The following TMEM126A variants were observed in gnomAD, a reference collection of about 807,000 sequenced individuals.
TMEM126A encodes the protein optic atrophy 7.
A neutral mutation model predicts 18.3 loss-of-function variants in TMEM126A; 10 were observed. That is an observed-to-expected ratio of 0.55 (90% confidence interval 0.34 to 0.93). The LOEUF is 0.93. Ranked by LOEUF, TMEM126A falls within the 40% of genes least tolerant of loss-of-function variation. TMEM126A has a pLI of 0.02. For missense variants in TMEM126A, 246 were observed against 230.2 expected (o/e 1.07, Z -0.44); for synonymous variants, 68 against 78.1 (o/e 0.87, Z 0.68).
In TMEM126A at chr11:85,650,266, A is replaced by G. The variant is rs1278880542; in HGVS notation, c.11A>G (p.His4Arg). The change falls in exon 2 of 5, where the codon CAT (histidine) becomes CGT (arginine). Residue 4 changes from histidine (H) to arginine (R), a missense_variant. By Grantham distance (29) the His-to-Arg change is conservative (BLOSUM62 0). Coordinates refer to ENST00000304511, the MANE Select transcript of TMEM126A (RefSeq NM_032273.4). ...TTTTTAAGGCTCAAAATGGAAAATC[A>G]TAAATCCAATAATAAGGAAAACATA... MEN[H>R]KSNNKENITI... is the part of the protein sequence containing the mutation. The G allele has an allele frequency of 6.3e-7, 1 of 1,592,494 alleles. No homozygotes were observed. The highest frequency in any genetic ancestry group is 8.6e-7 in the Non-Finnish European group (1 of 1,163,778).
chr11:85,648,537 G>A (rs910514111), intron 1 of TMEM126A, among the ~76,000 whole-genome samples: 2 of 152,124 alleles, frequency 1.3e-5, no homozygotes, highest in African/African-American at 2.4e-5. Flanking sequence ...TGCCCACAGG[G>A]GCTGCCCAGT....
rs576848384 is a variant in TMEM126A, at chr11:85,654,049, T to A, written c.87-14T>A. ...ATAATGCCAAAGAAAAGTTCTTTCT[T>A]CTCACCCTTTCAGGAATCTACTTGA... On this transcript the variant is annotated splice_polypyrimidine_tract_variant and intron_variant, in intron 2 of 4. Transcript: ENST00000304511. 9.9e-6 allele frequency: 16 copies of A among 1,614,020 alleles called. No homozygotes were observed. Among genetic ancestry groups the A allele is most frequent in the Admixed American group, 1.7e-5 (1 of 59,994 alleles).
At chr11:85,655,091 A>T (rs1390696472) in intron 3 of TMEM126A, among the ~76,000 whole-genome samples, 1 of 152,190 alleles carries the variant, frequency 6.6e-6, no homozygotes, top group Non-Finnish European at 1.5e-5. Flanking sequence ...ATCATAAAAA[A>T]AACTTTTGAT....
In TMEM126A at chr11:85,655,659, C is replaced by G; in HGVS notation, c.346C>G (p.Leu116Val). The change falls in exon 4 of 5, where the codon CTA (leucine) becomes GTA (valine). Residue 116 changes from leucine to valine, a missense_variant. Coordinates refer to ENST00000304511, the MANE Select transcript of TMEM126A (RefSeq NM_032273.4). ...ACTGACTGGTCTTGTTATTGGTGGT[C>G]TATACCCTGTTTTCTTGGCTATACC... ...SGLTGLVIGG[L>V]YPVFLAIPVN... is the part of the protein sequence containing the mutation. 1 of 1,613,624 alleles carries G rather than the reference C, an allele frequency of 6.2e-7. No homozygotes were observed. The highest frequency in any genetic ancestry group is 8.5e-7 in the Non-Finnish European group (1 of 1,179,714).
At chr11:85,648,724 C>G (rs187587178) in intron 1 of TMEM126A, among the ~76,000 whole-genome samples, 19 of 152,302 alleles carry the variant, frequency 1.2e-4, no homozygotes, top group African/African-American at 4.1e-4. Flanking sequence ...TACCAGAAAC[C>G]TAGACATAAA....
chr11:85,656,383 G>T lies in TMEM126A; in HGVS notation c.470G>T (p.Arg157Ile). 1 of 1,613,132 alleles carries T rather than the reference G, an allele frequency of 6.2e-7. No individual in the cohort carries two copies. Among genetic ancestry groups the T allele is most frequent in the Non-Finnish European group, 8.5e-7 (1 of 1,179,576 alleles). ...YWIRTSKPVF[R>I]KMLFPILLQT... ...ATTAGAACTTCTAAGCCTGTCTTTA[G>T]AAAGATGTTATTTCCTATTTTGCTC... The change falls in exon 5 of 5, where the codon AGA becomes ATA. Residue 157 changes from arginine (R) to isoleucine (I), a missense_variant. Transcript: ENST00000304511.
At chr11:85,651,099 A>G (rs1031291598) in intron 2 of TMEM126A, among the ~76,000 whole-genome samples, 32 of 150,500 alleles carry the variant, frequency 2.1e-4, no homozygotes, top group African/African-American at 7.8e-4. Context: ...AAAGATATTA[A>G]AGAGAAAAAC....
Position 85,656,304 on chromosome 11 carries a change from T to C in TMEM126A, c.396-5T>C, listed in dbSNP as rs748372869. 1.2e-6 allele frequency: 2 copies of C among 1,610,166 alleles called. No individual in the cohort carries two copies. Among genetic ancestry groups the C allele is most frequent in the East Asian group, 4.5e-5 (2 of 44,754 alleles). On this transcript the variant is annotated splice_polypyrimidine_tract_variant and splice_region_variant and intron_variant, in intron 4 of 4. Transcript: ENST00000304511. ...CTATTGAACTATCTCAATGTTTTCTTACAGGTATCAATCAGCTCTGTTACC... is the reference window on the plus strand; with the variant it reads ...CTATTGAACTATCTCAATGTTTTCTCACAGGTATCAATCAGCTCTGTTACC...
Position 85,650,232 on chromosome 11 carries a change from T to C in TMEM126A, c.-7-17T>C. The C allele has an allele frequency of 6.9e-7, 1 of 1,456,558 alleles. No individual in the cohort carries two copies. Among genetic ancestry groups the C allele is most frequent in the Non-Finnish European group, 9.6e-7 (1 of 1,043,584 alleles). The allele number at this position is 1,456,558 out of a possible 1,614,324, so 90.2% of individuals were successfully genotyped here. On this transcript the variant is annotated splice_polypyrimidine_tract_variant and intron_variant, in intron 1 of 4. Transcript: ENST00000304511. ...TTGTATAAATTCTTGAGAAATGATA[T>C]CTTCATGTTTTTTAAGGCTCAAAAT... is the stretch of plus-strand genomic sequence containing the variant.
chr11:85,656,410 A>G lies in TMEM126A; in HGVS notation c.497A>G (p.Gln166Arg), dbSNP rs150267785. 22 of 1,613,272 alleles carry G rather than the reference A, an allele frequency of 1.4e-5. No individual in the cohort carries two copies. The highest frequency in any genetic ancestry group is 1.7e-5 in the Non-Finnish European group (20 of 1,179,648). ...FRKMLFPILL[Q>R]TMFSAYLGSE... ...AAGATGTTATTTCCTATTTTGCTCCAGACTATGTTTTCAGCATACCTTGGG... is the reference window on the plus strand; with the variant it reads ...AAGATGTTATTTCCTATTTTGCTCCGGACTATGTTTTCAGCATACCTTGGG... Residue 166 changes from glutamine (Q) to arginine (R), a missense_variant, in exon 5 of 5, where the codon CAG becomes CGG. Gln to Arg is a conservative substitution (Grantham distance 43). Coordinates refer to ENST00000304511, the MANE Select transcript of TMEM126A (RefSeq NM_032273.4).
At chr11:85,652,483 A>C (rs776166627) in intron 2 of TMEM126A, among the ~76,000 whole-genome samples, 2 of 152,148 alleles carry the variant, frequency 1.3e-5, no homozygotes, top group Non-Finnish European at 2.9e-5. Context: ...TCATTTTCTG[A>C]TCTACAGCAA....
At chr11:85,650,638 AAACTTT>A (rs1303412680) in intron 2 of TMEM126A, among the ~76,000 whole-genome samples, 1 of 152,230 alleles carries the variant, frequency 6.6e-6, no homozygotes, top group African/African-American at 2.4e-5. Flanking sequence ...TTAAATAACA[AAACTTT>A]AACTTTTAAA....
At chr11:85,652,541 G>A (rs2082508599) in intron 2 of TMEM126A, among the ~76,000 whole-genome samples, 1 of 152,250 alleles carries the variant, frequency 6.6e-6, no homozygotes, top group East Asian at 1.9e-4. Context: ...GCTATTTCAT[G>A]TCTATTTCTT....
At chr11:85,652,983 T>G (rs2511790) in intron 2 of TMEM126A, among the ~76,000 whole-genome samples, 1 of 152,154 alleles carries the variant, frequency 6.6e-6, no homozygotes, top group Non-Finnish European at 1.5e-5. Flanking sequence ...ACATGGTTTT[T>G]GTGGTTGGTA....
rs1458297016 is a variant in TMEM126A, at chr11:85,654,226, A to G, written c.250A>G (p.Arg84Gly). The part of the protein sequence containing the change: ...IPFLTTDLTY[R>G]CFVSFPLNTG... ...TTTTCTTACAACAGACTTAACTTAC[A>G]GATGTTTTGTAAGTTTTCCTTTGAA... The change falls in exon 3 of 5, where the codon AGA becomes GGA. Residue 84 changes from arginine to glycine, a missense_variant. Transcript: ENST00000304511. The G allele has an allele frequency of 1.2e-6, 2 of 1,614,062 alleles. No homozygotes were observed. Among genetic ancestry groups the G allele is most frequent in the Admixed American group, 3.3e-5 (2 of 60,010 alleles).
At chr11:85,649,656 C>A (rs534967444) in intron 1 of TMEM126A, among the ~76,000 whole-genome samples, 2 of 152,354 alleles carry the variant, frequency 1.3e-5, no homozygotes, top group Admixed American at 1.3e-4. Flanking sequence ...ACCCCGCATT[C>A]TTGCCAATAA....
chr11:85,655,709 G>C lies in TMEM126A; in HGVS notation c.395+1G>C, dbSNP rs747644023. The C allele has an allele frequency of 6.2e-7, 1 of 1,607,700 alleles. No homozygotes were observed. The highest frequency in any genetic ancestry group is 1.3e-5 in the African/African-American group (1 of 74,748). Reference sequence around the variant, plus strand: ...CTGTAAATGGTGGTCTAGCAGCCAGGTAGGAAATAAAAAACTTTTTATAAT... The same window carrying C: ...CTGTAAATGGTGGTCTAGCAGCCAGCTAGGAAATAAAAAACTTTTTATAAT... On this transcript the variant is annotated splice_donor_variant, in intron 4 of 4. Coordinates refer to ENST00000304511, the MANE Select transcript of TMEM126A (RefSeq NM_032273.4). LOFTEE classifies it high-confidence loss of function.
chr11:85,653,354 TAGTTAAG>T (rs1461707975), intron 2 of TMEM126A, among the ~76,000 whole-genome samples: 1 of 152,220 alleles, frequency 6.6e-6, no homozygotes, highest in Non-Finnish European at 1.5e-5. Flanking sequence ...CTACTTTGGC[TAGTTAAG>T]AGTAATGAAA....
intron 2 of TMEM126A, among the ~76,000 whole-genome samples, chr11:85,651,195 T>C (rs1160419220): frequency 6.6e-6 from 1 of 151,696 alleles, no homozygotes; most frequent in Non-Finnish European, 1.5e-5. Flanking sequence ...GTCAAGAAGG[T>C]CTCTCTGACT....
Sources: gnomAD v4.1 joint callset for allele counts (sites outside exome capture counted in the v4.1 genomes callset) on GRCh38, gnomAD v4.1.1 for gene constraint, MANE v1.5 for transcripts, NCBI Gene and HGNC (gene_info 2026-07-23, HGNC 2026-07-21) for gene names.